The following TMC2 variants were observed in gnomAD, a reference collection of about 807,000 sequenced individuals.
TMC2 encodes the protein transmembrane channel-like protein 2.
A neutral mutation model predicts 105.9 loss-of-function variants in TMC2; 102 were observed. That is an observed-to-expected ratio of 0.96 (90% confidence interval 0.82 to 1.14). The LOEUF (loss-of-function observed/expected upper bound fraction) is 1.14. Among genes scored for constraint, TMC2 ranks in the 50% most tolerant of loss-of-function variants. The pLI is 0.00. For synonymous variants in TMC2, 402 were observed against 422.8 expected, an observed-to-expected ratio of 0.95 and a Z score of 0.60; for missense variants, 1,093 against 1,134.3, an observed-to-expected ratio of 0.96 and a Z score of 0.52.
chr20:2,576,730 G>A (rs1323219092), intron 5 of TMC2, among the ~76,000 whole-genome samples: 5 of 152,150 alleles, frequency 3.3e-5, no homozygotes, highest in African/African-American at 1.2e-4. Flanking sequence ...TGATAGCTGA[G>A]TTAGTAATAC....
intron 5 of TMC2, among the ~76,000 whole-genome samples, chr20:2,578,936 C>T (rs1246224560): frequency 6.6e-6 from 1 of 152,210 alleles, no homozygotes; most frequent in Non-Finnish European, 1.5e-5. Flanking sequence ...TTGTCTCTCA[C>T]TCCAGGCCTG....
intron 4 of TMC2, among the ~76,000 whole-genome samples, chr20:2,570,725 C>T (rs1196843533): frequency 1.3e-5 from 2 of 152,134 alleles, no homozygotes; most frequent in Non-Finnish European, 1.5e-5. Context: ...AAGCCAGAGG[C>T]ATCACATTAC....
chr20:2,611,571 G>A (rs2146237961), intron 12 of TMC2, among the ~76,000 whole-genome samples: 1 of 152,246 alleles, frequency 6.6e-6, no homozygotes, highest in African/African-American at 2.4e-5. Flanking sequence ...GTCTTCTGTG[G>A]CCCCCATTGT....
At chr20:2,553,564 G>C (rs1454719747) in intron 2 of TMC2, among the ~76,000 whole-genome samples, 1 of 141,492 alleles carries the variant, frequency 7.1e-6, no homozygotes, top group East Asian at 2.1e-4. Context: ...TTGTGCTAGA[G>C]GAATGCTGGC....
Position 2,610,424 on chromosome 20 carries a change from G to C in TMC2, c.1419G>C (p.Glu473Asp). Residue 473 changes from glutamate to aspartate, a missense_variant, in exon 12 of 20, where the codon GAG (glutamate) becomes GAC (aspartate). Glu to Asp is a conservative substitution (Grantham distance 45). Coordinates refer to ENST00000358864, the MANE Select transcript of TMC2 (RefSeq NM_080751.3). Reference protein sequence around the residue: ...NVSWYERNEVEIVMSLLGMFC... With the variant: ...NVSWYERNEVDIVMSLLGMFC... Reference sequence around the variant, plus strand: ...AGGCTTTCCTGATTCCTCAGGTAGAGATCGTGATGTCCCTGCTTGGAATGT... The same window carrying C: ...AGGCTTTCCTGATTCCTCAGGTAGACATCGTGATGTCCCTGCTTGGAATGT... The C allele has an allele frequency of 6.2e-7, 1 of 1,611,084 alleles. No individual in the cohort carries two copies. Among genetic ancestry groups the C allele is most frequent in the Non-Finnish European group, 8.5e-7 (1 of 1,178,354 alleles).
At chr20:2,615,326 A>G (rs1004026818) in intron 14 of TMC2, among the ~76,000 whole-genome samples, 1 of 152,246 alleles carries the variant, frequency 6.6e-6, no homozygotes, top group Non-Finnish European at 1.5e-5. Flanking sequence ...GTCTCAATAA[A>G]TAAACATCCA....
At chr20:2,622,496 C>T (rs984924355) in intron 16 of TMC2, among the ~76,000 whole-genome samples, 10 of 152,044 alleles carry the variant, frequency 6.6e-5, no homozygotes, top group Admixed American at 2.6e-4. Context: ...GGCGAAACCC[C>T]GTCTCTACTA....
At chr20:2,579,428 TTA>T (rs1285739070) in intron 6 of TMC2, among the ~76,000 whole-genome samples, 15 of 144,264 alleles carry the variant, frequency 1.0e-4, no homozygotes, top group African/African-American at 3.8e-4. Flanking sequence ...TTATTTATTT[TTA>T]TTTATTTTTG....
At chr20:2,578,277 G>A (rs2086161897) in intron 5 of TMC2, among the ~76,000 whole-genome samples, 1 of 152,080 alleles carries the variant, frequency 6.6e-6, no homozygotes. Context: ...CCGAGATTGC[G>A]CTACTGCACT....
intron 2 of TMC2, among the ~76,000 whole-genome samples, chr20:2,548,524 GC>G (rs935804750): frequency 2.0e-4 from 30 of 152,130 alleles, no homozygotes; most frequent in Middle Eastern, 6.8e-3. Context: ...TGTAATCCCA[GC>G]TACTCGGGAG....
chr20:2,603,410 C>CAGATTTAAGTCTAAAT (rs2086366045), intron 11 of TMC2, among the ~76,000 whole-genome samples: 1 of 152,082 alleles, frequency 6.6e-6, no homozygotes, highest in Admixed American at 6.5e-5. Flanking sequence ...AGCACAAAAT[C>CAGATTTAAGTCTAAAT]AGATTTAAGT....
At chr20:2,596,710 AAT>A (rs1555774914) in intron 9 of TMC2, among the ~76,000 whole-genome samples, 9 of 126,402 alleles carry the variant, frequency 7.1e-5, no homozygotes, top group African/African-American at 1.9e-4. Flanking sequence ...ATCAGAAAAA[AAT>A]ATATATGTGT....
At chr20:2,597,096 G>A in intron 9 of TMC2, 55 bp from the exon 10 acceptor site, 1 of 1,578,322 alleles carries the variant, frequency 6.3e-7, no homozygotes, top group East Asian at 2.3e-5. Context: ...AGGTTCCCTG[G>A]GGGTGACACA....
Position 2,592,215 on chromosome 20 carries a change from G to A in TMC2, c.835-95G>A, listed in dbSNP as rs150094653. 252 of 748,696 alleles carry A rather than the reference G, an allele frequency of 3.4e-4. 3 individuals are homozygous for A. The highest frequency in any genetic ancestry group is 3.0e-3 in the South Asian group (172 of 58,172). The allele number at this position is 748,696 out of a possible 1,614,324, so 46.4% of individuals were successfully genotyped here. ...AGAAAGAAGAAAATAGGTGTATTCC[G>A]CTCTGAGAAGGAAAGCATTTACCCC... On this transcript the variant is annotated intron_variant, in intron 7 of 19. Coordinates refer to ENST00000358864, the MANE Select transcript of TMC2 (RefSeq NM_080751.3). This position sits in a 1 kb window ranked among gnomAD's most constrained non-coding sequence, Gnocchi z 4.9.
chr20:2,622,534 G>T (rs2086532808), intron 16 of TMC2, among the ~76,000 whole-genome samples: 1 of 152,076 alleles, frequency 6.6e-6, no homozygotes, highest in African/African-American at 2.4e-5. Context: ...CGGGCGTAGT[G>T]GTGCCTGCCT....
chr20:2,551,327 TTTTC>T lies in TMC2; in HGVS notation c.83-7128_83-7125del, dbSNP rs1433541528. On this transcript the variant is annotated intron_variant, in intron 2 of 19. Transcript: ENST00000358864. Reference sequence around the variant, plus strand: ...AATTGTTTGTTTTCTTATTCTTGAGTTTTCATGTGTGTATTTTGGATACACGTCC... The same window carrying T: ...AATTGTTTGTTTTCTTATTCTTGAGTATGTGTGTATTTTGGATACACGTCC... Among the ~76,000 whole-genome samples the T allele has an allele frequency of 2.0e-5, 3 of 151,718 alleles. No homozygotes were observed. In the East Asian group the frequency reaches 5.8e-4, roughly 29 times the overall value.
intron 11 of TMC2, among the ~76,000 whole-genome samples, chr20:2,606,513 G>A (rs571087727): frequency 6.6e-6 from 1 of 152,306 alleles, no homozygotes; most frequent in South Asian, 2.1e-4. Context: ...GCCTGCCTCA[G>A]CCTCCCAAAG....
intron 7 of TMC2, among the ~76,000 whole-genome samples, chr20:2,588,939 T>G (rs6115072): frequency 0.024 from 3,582 of 152,238 alleles, 147 homozygotes; most frequent in African/African-American, 0.08. Context: ...CATTTGATTG[T>G]TTTTATAGTT....
intron 5 of TMC2, among the ~76,000 whole-genome samples, chr20:2,577,740 C>G (rs2086157329): frequency 6.6e-6 from 1 of 151,902 alleles, no homozygotes; most frequent in Non-Finnish European, 1.5e-5. Context: ...TGGTGAGACC[C>G]TGTCTCTACA....
Sources: allele counts gnomAD v4.1 joint callset (sites outside exome capture counted in the v4.1 genomes callset), GRCh38; gene constraint gnomAD v4.1.1; non-coding constraint Gnocchi (gnomAD v3.1); transcripts MANE v1.5; gene names NCBI Gene and HGNC (gene_info 2026-07-23, HGNC 2026-07-21).